Variants in SHOC2 observed in about 807,000 individuals in gnomAD.
SHOC2 encodes the protein SHOC2 leucine rich repeat scaffold protein.
A neutral mutation model predicts 50.2 loss-of-function variants in SHOC2; 4 were observed. That is an observed-to-expected ratio of 0.08 (90% CI 0.04 to 0.18). The LOEUF is 0.18. Ranked by LOEUF, SHOC2 falls within the 10% of genes least tolerant of loss-of-function variation. The probability of loss-of-function intolerance (pLI) is 1.00; values close to 1 mark genes in which losing one functional copy is unlikely to be tolerated. For missense variants in SHOC2, 388 were observed against 669.6 expected, an observed-to-expected ratio of 0.58 and a Z score of 4.64; for synonymous variants, 218 against 244.5, an observed-to-expected ratio of 0.89 and a Z score of 1.01.
intron 2 of SHOC2, among the ~76,000 whole-genome samples, chr10:110,980,676 A>T (rs1847959332): frequency 6.6e-6 from 1 of 152,152 alleles, no homozygotes; most frequent in Non-Finnish European, 1.5e-5. Flanking sequence ...TATCTGGTCA[A>T]AATGGTCTAG....
intron 1 of SHOC2, among the ~76,000 whole-genome samples, chr10:110,921,727 T>A (rs374858022): frequency 7.9e-5 from 12 of 152,140 alleles, no homozygotes; most frequent in East Asian, 5.8e-4. Context: ...ATTAAATTTA[T>A]TGAGTATGGT....
At chr10:111,007,269 G>A (rs1848486773) in intron 5 of SHOC2, among the ~76,000 whole-genome samples, 1 of 152,028 alleles carries the variant, frequency 6.6e-6, no homozygotes, top group Non-Finnish European at 1.5e-5. Context: ...GTGTTTCTCT[G>A]TATACTGTGT....
At chr10:111,003,080 A>G (rs1848408780) in intron 4 of SHOC2, among the ~76,000 whole-genome samples, 1 of 152,202 alleles carries the variant, frequency 6.6e-6, no homozygotes, top group Admixed American at 6.5e-5. Flanking sequence ...TCTGTACAAC[A>G]ATACACAAAT....
At position 110,975,284 on chromosome 10, in the gene SHOC2, T is replaced by C. The variant is rs189381689; in HGVS notation, c.703+10223T>C. ...CATTCTCCTGCCTCAGTCTCCCCAGTAGCTGGGACTACAGGTGCCTGTGAC... is the reference window on the plus strand; with the variant it reads ...CATTCTCCTGCCTCAGTCTCCCCAGCAGCTGGGACTACAGGTGCCTGTGAC... On this transcript the variant is annotated intron_variant, in intron 2 of 8. Transcript: ENST00000369452. Among the ~76,000 whole-genome samples the C allele has an allele frequency of 1.4e-3, 207 of 152,178 alleles. 4 individuals carry two copies. Among genetic ancestry groups the C allele is most frequent in the Non-Finnish European group, 5.9e-4 (40 of 67,978 alleles).
At chr10:111,002,918 A>C (rs538132610) in intron 4 of SHOC2, among the ~76,000 whole-genome samples, 1 of 152,238 alleles carries the variant, frequency 6.6e-6, no homozygotes. Flanking sequence ...CAATAAAGTA[A>C]GTCAGTTGTA....
chr10:110,974,254 C>T (rs370973271), intron 2 of SHOC2, among the ~76,000 whole-genome samples: 1 of 151,870 alleles, frequency 6.6e-6, no homozygotes, highest in East Asian at 1.9e-4. Flanking sequence ...TTCTCTGATC[C>T]ATGGATTATT....
Position 110,998,379 on chromosome 10 carries a change from AT to A in SHOC2, c.842-2025del, listed in dbSNP as rs113896888. ...TTCTGGGGCTTTGGAAAGTCACTCA[AT>A]TTTTTTTTTTCTCCTGAGGAATTGA... On this transcript the variant is annotated intron_variant, in intron 3 of 8. Transcript: ENST00000369452. 5.4e-5 allele frequency among the ~76,000 whole-genome samples: 8 copies of A among 148,402 alleles called. No individual in the cohort carries two copies. The East Asian group carries it at 5.9e-4, about 11-fold the overall frequency.
intron 2 of SHOC2, among the ~76,000 whole-genome samples, chr10:110,972,560 T>C (rs1186060926): frequency 2.0e-5 from 3 of 152,180 alleles, no homozygotes; most frequent in Non-Finnish European, 4.4e-5. Flanking sequence ...GAAGTTATTA[T>C]TGCTAAAGGA....
Position 111,007,414 on chromosome 10 carries a change from T to G in SHOC2, c.1162-117T>G, listed in dbSNP as rs540391606. On this transcript the variant is annotated intron_variant, in intron 5 of 8. Coordinates refer to ENST00000369452, the MANE Select transcript of SHOC2 (RefSeq NM_007373.4). ...GATTTTTTTTCTTTCTATATTTAAATATCAAAAAGGGGAATAAGATTTTGT... is the reference window on the plus strand; with the variant it reads ...GATTTTTTTTCTTTCTATATTTAAAGATCAAAAAGGGGAATAAGATTTTGT... The G allele has an allele frequency of 2.5e-6, 3 of 1,180,096 alleles. No homozygotes were observed. In the Admixed American group the frequency reaches 6.2e-5, roughly 24 times the overall value. The allele number at this position is 1,180,096 out of a possible 1,614,324, so 73.1% of individuals were successfully genotyped here. A position where few individuals can be genotyped will look rare whatever the true frequency, so the allele number is the denominator to read the frequency against.
At chr10:110,937,003 G>C in intron 1 of SHOC2, 1 of 1,482,770 alleles carries the variant, frequency 6.7e-7, no homozygotes, top group Non-Finnish European at 9.4e-7. Flanking sequence ...AGAAGATGGG[G>C]CTGGGGGCCC....
chr10:110,939,047 C>T (rs1847086783), intron 1 of SHOC2, among the ~76,000 whole-genome samples: 1 of 152,124 alleles, frequency 6.6e-6, no homozygotes, highest in East Asian at 1.9e-4. Context: ...TTTGGAACTA[C>T]TTTCTGTTAA....
In SHOC2 at chr10:110,940,289, C is replaced by A. The variant is rs180942388; in HGVS notation, c.-235+20632C>A. On this transcript the variant is annotated intron_variant, in intron 1 of 8. Transcript: ENST00000369452. ...GTTTCTTGGGGTTTATGTGTCTAATCTTTACATTAATTGTGGTGTATGTTC... is the reference window on the plus strand; with the variant it reads ...GTTTCTTGGGGTTTATGTGTCTAATATTTACATTAATTGTGGTGTATGTTC... Among the ~76,000 whole-genome samples the A allele has an allele frequency of 1.1e-4, 17 of 152,234 alleles. No homozygotes were observed. The East Asian group carries it at 3.1e-3, about 28-fold the overall frequency.
intron 2 of SHOC2, among the ~76,000 whole-genome samples, chr10:110,974,561 C>G (rs1046604363): frequency 3.9e-5 from 6 of 152,036 alleles, no homozygotes; most frequent in African/African-American, 1.4e-4. Context: ...CTGACAGCCA[C>G]TTGTTCCTTT....
rs535444366 is a variant in SHOC2 at position 110,968,585 on chromosome 10, A to G, written c.703+3524A>G. Among the ~76,000 whole-genome samples the G allele has an allele frequency of 9.9e-5, 15 of 151,762 alleles. No homozygotes were observed. The South Asian group carries it at 3.1e-3, about 31-fold the overall frequency. ...ATTAGATGCTTATTCTTCTTGTTTG[A>G]ATAAATATATCACTTTAAATCATGC... On this transcript the variant is annotated intron_variant, in intron 2 of 8. Coordinates refer to ENST00000369452, the MANE Select transcript of SHOC2 (RefSeq NM_007373.4).
chr10:110,948,092 A>C (rs1042913444), intron 1 of SHOC2, among the ~76,000 whole-genome samples: 1 of 152,212 alleles, frequency 6.6e-6, no homozygotes, highest in Non-Finnish European at 1.5e-5. Context: ...ATGTAAGATA[A>C]AATAGACTTC....
Position 110,995,988 on chromosome 10 carries a change from A to G in SHOC2, c.842-4427A>G, listed in dbSNP as rs1034058310. 2.6e-4 allele frequency among the ~76,000 whole-genome samples: 39 copies of G among 152,170 alleles called. 2 individuals are homozygous for G. On this transcript the variant is annotated intron_variant, in intron 3 of 8. Coordinates refer to ENST00000369452, the MANE Select transcript of SHOC2 (RefSeq NM_007373.4). ...GTCTCCCCCATCTCTAAACATTCAG[A>G]GATTTTGTTCATACTTCTTTTAGGG... is the stretch of plus-strand genomic sequence containing the variant.
intron 3 of SHOC2, among the ~76,000 whole-genome samples, chr10:110,988,070 G>A (rs12248431): frequency 0.073 from 11,058 of 151,852 alleles, 795 homozygotes; most frequent in East Asian, 0.3. Flanking sequence ...ATAAAAACCC[G>A]GATAATAAGA....
chr10:110,982,147 T>C (rs927177671), intron 2 of SHOC2, among the ~76,000 whole-genome samples: 2 of 148,668 alleles, frequency 1.3e-5, no homozygotes, highest in African/African-American at 4.9e-5. Context: ...AGAATGATGA[T>C]TTCCAATTTC....
At chr10:110,966,558 T>TA (rs1847678622) in intron 2 of SHOC2, among the ~76,000 whole-genome samples, 1 of 152,158 alleles carries the variant, frequency 6.6e-6, no homozygotes, top group Admixed American at 6.5e-5. Context: ...AGTCTAGCTT[T>TA]AATTCACAAG....
Sources: gnomAD v4.1 joint callset for allele counts (sites outside exome capture counted in the v4.1 genomes callset) on GRCh38, gnomAD v4.1.1 for gene constraint, MANE v1.5 for transcripts, NCBI Gene and HGNC (gene_info 2026-07-23, HGNC 2026-07-21) for gene names.